Variants in APBB2 observed in about 807,000 individuals in gnomAD.
APBB2 encodes Fe65-like 1.
In APBB2, 38 loss-of-function variants were observed where a neutral mutation model predicts 82.5. That is an observed-to-expected ratio of 0.46 (90% CI 0.36 to 0.60). APBB2 has a LOEUF of 0.60. APBB2 is among the 20% of genes least tolerant of loss of function. APBB2 has a pLI of 0.00. For synonymous variants in APBB2, 341 were observed against 368.2 expected (o/e 0.93, Z 0.85); for missense variants, 772 against 972.3 (o/e 0.79, Z 2.74).
intron 12 of APBB2, 79 bp downstream of exon 12, chr4:40,890,285 C>T (rs905447273): frequency 7.9e-6 from 12 of 1,518,994 alleles, no homozygotes; most frequent in Middle Eastern, 2.5e-4. Context: ...CCGTGAAATG[C>T]TGCGAGCCCA....
intron 12 of APBB2, among the ~76,000 whole-genome samples, chr4:40,867,285 A>G (rs971986892): frequency 2.6e-5 from 4 of 152,216 alleles, no homozygotes; most frequent in Non-Finnish European, 5.9e-5. Flanking sequence ...TAGTCATTCT[A>G]TTAATATAAA....
intron 7 of APBB2, among the ~76,000 whole-genome samples, chr4:40,943,485 A>C (rs879272139): frequency 2.0e-5 from 3 of 152,232 alleles, no homozygotes; most frequent in South Asian, 4.1e-4. Context: ...TGGCCGGCTC[A>C]GCTTCTAGGA....
chr4:40,931,098 C>A (rs1784117537), intron 10 of APBB2, among the ~76,000 whole-genome samples: 1 of 151,942 alleles, frequency 6.6e-6, no homozygotes, highest in East Asian at 1.9e-4. Flanking sequence ...CCACTTGGTT[C>A]CTTGGTTCTT....
At chr4:41,044,532 TGAG>T (rs1722685050) in intron 4 of APBB2, among the ~76,000 whole-genome samples, 1 of 152,210 alleles carries the variant, frequency 6.6e-6, no homozygotes, top group Non-Finnish European at 1.5e-5. Flanking sequence ...GAGGAGCTCA[TGAG>T]GAGCAATATT....
intron 7 of APBB2, chr4:40,935,653 G>C (rs1025222313): frequency 1.3e-5 from 2 of 152,590 alleles, no homozygotes; most frequent in Admixed American, 1.3e-4. Context: ...TGGGGAGAGA[G>C]GGTTAGTGAA....
At chr4:40,891,814 GGTCA>G (rs767597462) in intron 11 of APBB2, among the ~76,000 whole-genome samples, 113 of 152,270 alleles carry the variant, frequency 7.4e-4, no homozygotes, top group Non-Finnish European at 1.3e-3. Flanking sequence ...CTCCTCCAAA[GGTCA>G]GTCATTCACA....
intron 12 of APBB2, among the ~76,000 whole-genome samples, chr4:40,845,740 G>A (rs1226433202): frequency 2.6e-5 from 4 of 151,880 alleles, no homozygotes; most frequent in Non-Finnish European, 5.9e-5. Flanking sequence ...AACTGAGCAC[G>A]CGAGGCAAGG....
intron 2 of APBB2, among the ~76,000 whole-genome samples, chr4:41,123,284 T>C (rs1423280813): frequency 6.6e-6 from 1 of 152,086 alleles, no homozygotes; most frequent in African/African-American, 2.4e-5. Flanking sequence ...TAAATATTTG[T>C]TGAATAAATG....
intron 2 of APBB2, among the ~76,000 whole-genome samples, chr4:41,110,558 G>A (rs917246980): frequency 1.6e-4 from 23 of 148,328 alleles, no homozygotes; most frequent in African/African-American, 5.0e-4. Context: ...AGCCGAGATC[G>A]CACCACTGCA....
chr4:40,905,435 G>A (rs1560853085), intron 10 of APBB2, among the ~76,000 whole-genome samples: 1 of 152,172 alleles, frequency 6.6e-6, no homozygotes, highest in Non-Finnish European at 1.5e-5. Context: ...CACACAACAC[G>A]GAGCCAGGCG....
intron 1 of APBB2, among the ~76,000 whole-genome samples, chr4:41,161,764 G>A (rs1765222382): frequency 6.6e-6 from 1 of 152,166 alleles, no homozygotes; most frequent in Non-Finnish European, 1.5e-5. Context: ...GAGAAAGCTA[G>A]AGCTAGAATG....
At chr4:41,012,551 C>T (rs1808674990) in intron 6 of APBB2, among the ~76,000 whole-genome samples, 1 of 152,094 alleles carries the variant, frequency 6.6e-6, no homozygotes, top group African/African-American at 2.4e-5. Context: ...TTTTAAAGGG[C>T]ACTTCAAAAA....
chr4:40,931,213 T>A (rs1334183265), intron 10 of APBB2, among the ~76,000 whole-genome samples: 1 of 152,136 alleles, frequency 6.6e-6, no homozygotes, highest in Non-Finnish European at 1.5e-5. Context: ...CCCTCTGAGG[T>A]GCTGGCTCTG....
intron 6 of APBB2, among the ~76,000 whole-genome samples, chr4:40,966,321 G>T (rs2154396106): frequency 6.6e-6 from 1 of 152,332 alleles, no homozygotes; most frequent in East Asian, 1.9e-4. Flanking sequence ...TTTCGTCTTT[G>T]TGATGGCAGC....
At chr4:40,969,643 A>C (rs533678808) in intron 6 of APBB2, among the ~76,000 whole-genome samples, 2 of 152,256 alleles carry the variant, frequency 1.3e-5, no homozygotes, top group South Asian at 4.2e-4. Flanking sequence ...GTGATTAAAA[A>C]CCCAGTCCCT....
intron 10 of APBB2, among the ~76,000 whole-genome samples, chr4:40,924,616 C>G (rs548755229): frequency 5.6e-4 from 86 of 152,294 alleles, no homozygotes; most frequent in African/African-American, 1.9e-3. Context: ...TGGAGAGGCC[C>G]TGGAGGACGT....
rs576492366 is a variant in APBB2 at position 41,179,984 on chromosome 4, C to T, written c.-417+34421G>A. ...AACTCATTAGAGAATTTAATACAAA[C>T]AACATCCAACTAATCCTTCTCTTTC... On this transcript the variant is annotated intron_variant, in intron 1 of 17. Transcript: ENST00000508593. 2.0e-5 allele frequency among the ~76,000 whole-genome samples: 3 copies of T among 152,332 alleles called. No homozygotes were observed. The South Asian group carries it at 6.2e-4, about 32-fold the overall frequency.
At chr4:41,145,499 CA>C (rs1208129571) in intron 1 of APBB2, among the ~76,000 whole-genome samples, 2 of 152,128 alleles carry the variant, frequency 1.3e-5, no homozygotes, top group African/African-American at 4.8e-5. Flanking sequence ...AAGAAGAAGA[CA>C]GAAATTTATT....
At chr4:40,834,622 G>A (rs1454973902) in intron 12 of APBB2, among the ~76,000 whole-genome samples, 1 of 152,110 alleles carries the variant, frequency 6.6e-6, no homozygotes, top group Non-Finnish European at 1.5e-5. Context: ...GATCAACAAA[G>A]GATCCTGAGA....
Sources: allele counts gnomAD v4.1 joint callset (sites outside exome capture counted in the v4.1 genomes callset), GRCh38; gene constraint gnomAD v4.1.1; transcripts MANE v1.5; gene names NCBI Gene and HGNC (gene_info 2026-07-23, HGNC 2026-07-21).